CSMD1: variants seen among roughly 807,000 people sequenced by gnomAD.
The protein encoded by CSMD1 is CUB and Sushi multiple domains 1, also known as CUB and sushi domain-containing protein 1.
In CSMD1, 213 loss-of-function variants were observed where a neutral mutation model predicts 417.5. The observed-to-expected ratio is 0.51, with a 90% CI of 0.46 to 0.57. The LOEUF (loss-of-function observed/expected upper bound fraction) is 0.57, where lower values mean the gene tolerates loss of function less well. Among genes scored for constraint, CSMD1 ranks in the 20% least tolerant of loss-of-function variants. The pLI is 0.00. For synonymous variants in CSMD1, 2,862 were observed against 1,736.8 expected (o/e 1.65, Z -16.11); for missense variants, 6,923 against 4,529.7 (o/e 1.53, Z -15.17).
chr8:4,643,093 C>T (rs1803304580), intron 1 of CSMD1, among the ~76,000 whole-genome samples: 1 of 152,142 alleles, frequency 6.6e-6, no homozygotes, highest in African/African-American at 2.4e-5. Flanking sequence ...AAATAGAGTC[C>T]AGGCAGAAGC....
intron 1 of CSMD1, among the ~76,000 whole-genome samples, chr8:4,949,913 AGT>A (rs36057334): frequency 0.53 from 79,980 of 150,934 alleles, 21,157 homozygotes; most frequent in East Asian, 0.56. Flanking sequence ...CACCAACTTG[AGT>A]GTGTGTGTGT....
At chr8:4,078,917 ATATATATATATATATATATATATATG>A (rs151101329) in intron 3 of CSMD1, among the ~76,000 whole-genome samples, 71,911 of 127,330 alleles carry the variant, frequency 0.56, 20,710 homozygotes, top group South Asian at 0.69. Flanking sequence ...ATATATATAT[ATATATATATATATATATATATATATG>A]TATGTTGAAA....
chr8:3,890,845 A>C (rs967109082), intron 5 of CSMD1, among the ~76,000 whole-genome samples: 1 of 152,152 alleles, frequency 6.6e-6, no homozygotes, highest in African/African-American at 2.4e-5. Flanking sequence ...GCTCATACTC[A>C]GTAAGTATAT....
intron 3 of CSMD1, among the ~76,000 whole-genome samples, chr8:4,383,283 G>T (rs1037154699): frequency 6.6e-6 from 1 of 152,134 alleles, no homozygotes; most frequent in Admixed American, 6.6e-5. Context: ...CCTTTCCAAG[G>T]GCAAGATAAG....
intron 5 of CSMD1, among the ~76,000 whole-genome samples, chr8:3,820,916 T>C (rs1801700124): frequency 6.6e-6 from 1 of 151,950 alleles, no homozygotes; most frequent in Non-Finnish European, 1.5e-5. Context: ...GGGTGTTCTA[T>C]CTTTTTTTTA....
At chr8:3,709,557 G>C (rs1473657587) in intron 6 of CSMD1, among the ~76,000 whole-genome samples, 1 of 151,954 alleles carries the variant, frequency 6.6e-6, no homozygotes, top group Non-Finnish European at 1.5e-5. Context: ...AAAGAAGATG[G>C]CTCTCCCCAG....
chr8:3,468,510 T>C (rs915156112), intron 12 of CSMD1, among the ~76,000 whole-genome samples: 3 of 152,190 alleles, frequency 2.0e-5, no homozygotes, highest in African/African-American at 7.2e-5. Flanking sequence ...GCACATATCA[T>C]GGCAAGCCGA....
At chr8:2,996,072 TGTATTATACCTA>T (rs544689675) in intron 54 of CSMD1, among the ~76,000 whole-genome samples, 74 of 152,300 alleles carry the variant, frequency 4.9e-4, no homozygotes, top group African/African-American at 1.6e-3. Context: ...AGGACCTCTC[TGTATTATACCTA>T]GTGCCTGCCT....
At chr8:4,925,849 T>C (rs1332742431) in intron 1 of CSMD1, among the ~76,000 whole-genome samples, 2 of 152,124 alleles carry the variant, frequency 1.3e-5, no homozygotes, top group Non-Finnish European at 2.9e-5. Context: ...GCCTGGCCTC[T>C]ATCTGGCATT....
chr8:3,626,710 G>A (rs1465651410), intron 7 of CSMD1, among the ~76,000 whole-genome samples: 3 of 150,886 alleles, frequency 2.0e-5, no homozygotes, highest in Admixed American at 1.3e-4. Context: ...ATATAAGTAT[G>A]TATTATGTAA....
At chr8:4,203,353 C>T (rs1799778788) in intron 3 of CSMD1, among the ~76,000 whole-genome samples, 1 of 152,158 alleles carries the variant, frequency 6.6e-6, no homozygotes, top group African/African-American at 2.4e-5. Context: ...AAGCCAACAT[C>T]AGCCTTCCAA....
chr8:3,585,643 A>T (rs972509182), intron 9 of CSMD1, among the ~76,000 whole-genome samples: 6 of 152,172 alleles, frequency 3.9e-5, no homozygotes, highest in Admixed American at 2.0e-4. Flanking sequence ...TGAATATTTT[A>T]CTCTGCTAAC....
At chr8:3,547,481 T>C (rs1277729828) in intron 10 of CSMD1, among the ~76,000 whole-genome samples, 1 of 152,208 alleles carries the variant, frequency 6.6e-6, no homozygotes, top group Non-Finnish European at 1.5e-5. Context: ...CGTAATGTTT[T>C]CCAACTTCTG....
intron 7 of CSMD1, among the ~76,000 whole-genome samples, chr8:3,665,399 T>C (rs10102887): frequency 0.18 from 27,233 of 151,948 alleles, 2,573 homozygotes; most frequent in South Asian, 0.22. Context: ...TGTGGTGGCA[T>C]GCACCAGTAA....
At chr8:4,547,840 G>C (rs1320710105) in intron 2 of CSMD1, among the ~76,000 whole-genome samples, 1 of 152,180 alleles carries the variant, frequency 6.6e-6, no homozygotes, top group Non-Finnish European at 1.5e-5. Context: ...GTTAGGTTTT[G>C]TTGTTGTTGC....
At chr8:3,054,808 G>C (rs1203514881) in intron 49 of CSMD1, among the ~76,000 whole-genome samples, 1 of 152,146 alleles carries the variant, frequency 6.6e-6, no homozygotes, top group East Asian at 1.9e-4. Context: ...ATCATTTGGG[G>C]CAAAGCATTT....
intron 5 of CSMD1, among the ~76,000 whole-genome samples, chr8:3,865,503 C>T (rs1043125265): frequency 1.3e-5 from 2 of 151,554 alleles, no homozygotes; most frequent in South Asian, 2.1e-4. Flanking sequence ...AAAAGGGTGA[C>T]AATAGTGGGG....
At chr8:4,423,564 G>A (rs1585051609) in intron 2 of CSMD1, among the ~76,000 whole-genome samples, 2 of 151,874 alleles carry the variant, frequency 1.3e-5, no homozygotes, top group Admixed American at 1.3e-4. Flanking sequence ...CTAAATAAAT[G>A]GACAGATATA....
At chr8:4,437,369 T>A (rs1418897586) in intron 2 of CSMD1, among the ~76,000 whole-genome samples, 1 of 152,194 alleles carries the variant, frequency 6.6e-6, no homozygotes, top group Non-Finnish European at 1.5e-5. Flanking sequence ...CTAACATCCT[T>A]GTATGTGAAC....
Sources: gnomAD v4.1 joint callset for allele counts (sites outside exome capture counted in the v4.1 genomes callset) on GRCh38, gnomAD v4.1.1 for gene constraint, MANE v1.5 for transcripts, NCBI Gene and HGNC (gene_info 2026-07-23, HGNC 2026-07-21) for gene names.